MCTP1: variants seen among roughly 807,000 people sequenced by gnomAD.
MCTP1 encodes multiple C2 and transmembrane domain-containing protein 1.
MCTP1 carries 69 observed loss-of-function variants against 120.6 expected under a neutral mutation model. The ratio of observed to expected loss-of-function variants is 0.57; its 90% CI spans 0.47 to 0.70. The LOEUF (loss-of-function observed/expected upper bound fraction) is 0.70, where lower values mean the gene tolerates loss of function less well. Among genes scored for constraint, MCTP1 ranks in the 30% least tolerant of loss-of-function variants. The pLI, the probability that MCTP1 is intolerant of heterozygous loss-of-function variation, is 0.00. For synonymous variants in MCTP1, 529 were observed against 493.1 expected (o/e 1.07, Z -0.96); for missense variants, 1,203 against 1,248.8 (o/e 0.96, Z 0.55).
chr5:94,965,502 G>A (rs1417763044), intron 2 of MCTP1, among the ~76,000 whole-genome samples: 2 of 141,826 alleles, frequency 1.4e-5, no homozygotes, highest in Non-Finnish European at 1.5e-5. Flanking sequence ...GCTCAGGGAA[G>A]TATTTTTGTG....
intron 1 of MCTP1, among the ~76,000 whole-genome samples, chr5:95,273,094 G>T (rs1759539240): frequency 2.0e-5 from 3 of 152,254 alleles, no homozygotes; most frequent in African/African-American, 7.2e-5. Flanking sequence ...GGCGCAGGAG[G>T]CAACTGTTCT....
intron 8 of MCTP1, among the ~76,000 whole-genome samples, chr5:94,914,728 C>T (rs535120529): frequency 1.3e-5 from 2 of 152,330 alleles, no homozygotes; most frequent in Non-Finnish European, 2.9e-5. Context: ...ACTCCATGCC[C>T]ACTTCAGCTG....
intron 1 of MCTP1, among the ~76,000 whole-genome samples, chr5:95,148,622 G>T (rs1366780195): frequency 2.6e-5 from 4 of 152,126 alleles, no homozygotes; most frequent in African/African-American, 9.7e-5. Context: ...GGATTCCTTG[G>T]ATTGGGTTTC....
At chr5:94,763,397 C>T (rs764447748) in intron 19 of MCTP1, among the ~76,000 whole-genome samples, 1 of 152,176 alleles carries the variant, frequency 6.6e-6, no homozygotes, top group Non-Finnish European at 1.5e-5. Context: ...GCACATTATG[C>T]TCCTATGATA....
intron 19 of MCTP1, among the ~76,000 whole-genome samples, chr5:94,773,299 T>C (rs918768490): frequency 1.3e-5 from 2 of 152,210 alleles, no homozygotes; most frequent in Non-Finnish European, 2.9e-5. Context: ...GATGTTCCTA[T>C]AATCTTTGAA....
chr5:94,814,523 C>A (rs1356442940), intron 17 of MCTP1, among the ~76,000 whole-genome samples: 1 of 152,050 alleles, frequency 6.6e-6, no homozygotes, highest in African/African-American at 2.4e-5. Context: ...AAGCAGGGTC[C>A]TAGAGGCAGG....
intron 13 of MCTP1, among the ~76,000 whole-genome samples, chr5:94,872,788 A>G (rs893177565): frequency 6.6e-5 from 10 of 152,104 alleles, no homozygotes; most frequent in African/African-American, 2.2e-4. Flanking sequence ...GAACAAATAG[A>G]GCTTTGTCTT....
intron 1 of MCTP1, among the ~76,000 whole-genome samples, chr5:95,051,071 C>T (rs1745786702): frequency 6.6e-6 from 1 of 152,140 alleles, no homozygotes; most frequent in Non-Finnish European, 1.5e-5. Context: ...AGACTTCCAG[C>T]TTCCAAACTG....
intron 1 of MCTP1, among the ~76,000 whole-genome samples, chr5:95,084,568 A>G (rs1298767482): frequency 1.3e-5 from 2 of 151,788 alleles, no homozygotes; most frequent in Non-Finnish European, 2.9e-5. Flanking sequence ...GCCTCCTGCA[A>G]GCAATTTTAT....
chr5:95,009,968 C>T (rs1387847453), intron 2 of MCTP1, among the ~76,000 whole-genome samples: 1 of 152,122 alleles, frequency 6.6e-6, no homozygotes, highest in Admixed American at 6.6e-5. Context: ...CTGGAGAAGT[C>T]CAAACCACAT....
intron 1 of MCTP1, among the ~76,000 whole-genome samples, chr5:95,198,329 C>G (rs763062337): frequency 6.6e-6 from 1 of 152,030 alleles, no homozygotes; most frequent in African/African-American, 2.4e-5. Context: ...AATTTTTTGA[C>G]TTTAAAATGG....
At chr5:94,835,529 T>C (rs187148365) in intron 17 of MCTP1, among the ~76,000 whole-genome samples, 1 of 147,602 alleles carries the variant, frequency 6.8e-6, no homozygotes, top group Non-Finnish European at 1.5e-5. Context: ...TAGAGGACTG[T>C]TGTTTGTCAA....
At chr5:95,135,057 A>G (rs868472670) in intron 1 of MCTP1, among the ~76,000 whole-genome samples, 24 of 150,882 alleles carry the variant, frequency 1.6e-4, no homozygotes, top group Middle Eastern at 3.4e-3. Context: ...TCAGAAAAAA[A>G]AAAGGTCAGA....
intron 1 of MCTP1, among the ~76,000 whole-genome samples, chr5:95,209,086 A>T (rs1752019886): frequency 6.6e-6 from 1 of 152,146 alleles, no homozygotes; most frequent in Admixed American, 6.6e-5. Context: ...TGATTTCCCC[A>T]CAAGAACATC....
intron 1 of MCTP1, among the ~76,000 whole-genome samples, chr5:95,134,832 T>C (rs758518293): frequency 6.6e-6 from 1 of 151,846 alleles, no homozygotes; most frequent in African/African-American, 2.4e-5. Context: ...CAGAAGATAA[T>C]AAATTAATTA....
chr5:95,089,349 CT>C (rs1426373944), intron 1 of MCTP1, among the ~76,000 whole-genome samples: 3 of 152,136 alleles, frequency 2.0e-5, no homozygotes, highest in Non-Finnish European at 4.4e-5. Flanking sequence ...AAGTCATTTT[CT>C]CCTGGAAACA....
intron 18 of MCTP1, among the ~76,000 whole-genome samples, chr5:94,787,397 T>G (rs924310444): frequency 3.3e-5 from 5 of 152,144 alleles, no homozygotes; most frequent in Non-Finnish European, 7.4e-5. Context: ...AAGGGGACTA[T>G]GGATACAGGA....
chr5:95,079,809 A>C (rs1285395717), intron 1 of MCTP1, among the ~76,000 whole-genome samples: 1 of 152,030 alleles, frequency 6.6e-6, no homozygotes, highest in Non-Finnish European at 1.5e-5. Flanking sequence ...TCACCAGCAC[A>C]AGAAAACTTT....
At chr5:95,181,271 T>G (rs1433803598) in intron 1 of MCTP1, among the ~76,000 whole-genome samples, 1 of 152,252 alleles carries the variant, frequency 6.6e-6, no homozygotes, top group Non-Finnish European at 1.5e-5. Flanking sequence ...GTCCTCTTTG[T>G]GCTTCTCCAA....
Sources: gnomAD v4.1 joint callset for allele counts (sites outside exome capture counted in the v4.1 genomes callset) on GRCh38, gnomAD v4.1.1 for gene constraint, MANE v1.5 for transcripts, NCBI Gene and HGNC (gene_info 2026-07-23, HGNC 2026-07-21) for gene names.